The following PHF14 variants were observed in gnomAD, a reference collection of about 807,000 sequenced individuals.
The protein encoded by PHF14 is PHD finger protein 14.
PHF14 carries 55 observed loss-of-function variants against 117.9 expected under a neutral mutation model. The observed-to-expected ratio is 0.47, with a 90% CI of 0.38 to 0.58. The LOEUF is 0.58. Ranked by LOEUF, PHF14 falls within the 20% of genes least tolerant of loss-of-function variation. The probability of loss-of-function intolerance (pLI) is 0.00; values close to 1 mark genes in which losing one functional copy is unlikely to be tolerated. For missense variants in PHF14, 978 were observed against 1,122.2 expected (o/e 0.87, Z 1.84); for synonymous variants, 409 against 368.6 (o/e 1.11, Z -1.26).
intron 4 of PHF14, among the ~76,000 whole-genome samples, chr7:11,003,898 A>G (rs951735408): frequency 2.0e-5 from 3 of 152,106 alleles, no homozygotes; most frequent in African/African-American, 7.2e-5. Flanking sequence ...TTTTAACTTT[A>G]TTTTATTATG....
intron 16 of PHF14, among the ~76,000 whole-genome samples, chr7:11,096,973 C>CTTTTTT (rs899756252): frequency 1.6e-4 from 17 of 108,580 alleles, no homozygotes; most frequent in African/African-American, 2.3e-4. Context: ...TAGACTAGAA[C>CTTTTTT]TTTTTTTTTT....
rs760800245 is a variant in PHF14 at position 10,982,818 on chromosome 7, C to T, written c.559C>T (p.Arg187Ter). The T allele has an allele frequency of 1.9e-6, 3 of 1,613,852 alleles. No homozygotes were observed. Among genetic ancestry groups the T allele is most frequent in the Admixed American group, 1.7e-5 (1 of 59,996 alleles). The stretch of plus-strand genomic sequence containing the variant: ...CGAGCCAAAAAAATGGAACCTTCGA[C>T]GAAACCGACCACTTCTGGATTTTGT... ...VSEPKKWNLR[R>*]NRPLLDFVSM... is the part of the protein sequence containing the mutation. The change falls in exon 3 of 18, where the codon CGA becomes TGA. Residue 187 changes from arginine to a stop codon, truncating the protein, a stop_gained. Coordinates refer to ENST00000634607, the MANE Select transcript of PHF14 (RefSeq NM_001007157.2). LOFTEE classifies it high-confidence loss of function.
intron 17 of PHF14, among the ~76,000 whole-genome samples, chr7:11,133,426 G>A (rs1272608538): frequency 1.3e-5 from 2 of 151,902 alleles, no homozygotes; most frequent in Non-Finnish European, 2.9e-5. Context: ...TGACAATGCA[G>A]CAAAGGCAAT....
At chr7:11,002,066 AC>A (rs1381713880) in intron 4 of PHF14, among the ~76,000 whole-genome samples, 1 of 151,616 alleles carries the variant, frequency 6.6e-6, no homozygotes, top group African/African-American at 2.4e-5. Flanking sequence ...TTGTTTTGAG[AC>A]AGAGTCTCAC....
chr7:11,034,891 G>A (rs748682616), intron 7 of PHF14, among the ~76,000 whole-genome samples: 7 of 151,972 alleles, frequency 4.6e-5, no homozygotes, highest in African/African-American at 1.2e-4. Flanking sequence ...TCCATTGTTA[G>A]CCAGTTAGAA....
intron 4 of PHF14, among the ~76,000 whole-genome samples, chr7:10,992,700 A>G (rs901653208): frequency 6.6e-6 from 1 of 152,136 alleles, no homozygotes; most frequent in African/African-American, 2.4e-5. Flanking sequence ...ATTCTCTTAC[A>G]TAACCACATA....
At chr7:11,109,655 C>T (rs1344097706) in intron 16 of PHF14, 1 of 151,810 alleles carries the variant, frequency 6.6e-6, no homozygotes, top group Non-Finnish European at 1.5e-5. Flanking sequence ...ATTATGTGGG[C>T]TTGCCAGTCT....
chr7:10,991,786 C>A, intron 4 of PHF14, among the ~76,000 whole-genome samples: 1 of 82,734 alleles, frequency 1.2e-5, no homozygotes, highest in African/African-American at 5.0e-5. Context: ...TTGGTAGAGA[C>A]AGGGTTTTGC....
At chr7:11,059,313 C>T (rs1785127310) in intron 14 of PHF14, among the ~76,000 whole-genome samples, 1 of 152,144 alleles carries the variant, frequency 6.6e-6, no homozygotes, top group African/African-American at 2.4e-5. Context: ...AAATTCAAAA[C>T]TACATGATAC....
At chr7:11,024,423 A>G (rs888667537) in intron 6 of PHF14, among the ~76,000 whole-genome samples, 2 of 152,204 alleles carry the variant, frequency 1.3e-5, no homozygotes, top group African/African-American at 4.8e-5. Context: ...AATGTAGATG[A>G]AACAGTCTTC....
At chr7:11,047,865 A>C in intron 13 of PHF14, among the ~76,000 whole-genome samples, 2 of 125,978 alleles carry the variant, frequency 1.6e-5, no homozygotes, top group Admixed American at 7.9e-5. Context: ...GAGGGCGGGA[A>C]AAAGAGAGGA....
intron 17 of PHF14, among the ~76,000 whole-genome samples, chr7:11,111,862 A>G (rs1331808965): frequency 2.6e-5 from 4 of 151,444 alleles, no homozygotes; most frequent in Non-Finnish European, 5.9e-5. Flanking sequence ...TAGATGTTTT[A>G]TTTTAAAATA....
At chr7:11,000,456 C>T (rs1782826384) in intron 4 of PHF14, among the ~76,000 whole-genome samples, 1 of 149,720 alleles carries the variant, frequency 6.7e-6, no homozygotes. Context: ...TCTCGTGCCT[C>T]AGCTTCCTGT....
intron 17 of PHF14, among the ~76,000 whole-genome samples, chr7:11,156,645 A>G (rs6949224): frequency 0.014 from 2,163 of 152,132 alleles, 45 homozygotes; most frequent in African/African-American, 0.05. Flanking sequence ...AAATACAAAA[A>G]TTAGCCGGGT....
At chr7:11,015,308 G>A (rs184464052) in intron 5 of PHF14, 9 of 152,190 alleles carry the variant, frequency 5.9e-5, no homozygotes, top group Non-Finnish European at 8.8e-5. Flanking sequence ...CTGGGATAGC[G>A]TAGAATCTAC....
chr7:11,055,304 A>T (rs971988933), intron 14 of PHF14, among the ~76,000 whole-genome samples: 1 of 152,188 alleles, frequency 6.6e-6, no homozygotes. Context: ...ATGTAACTTG[A>T]AAGCTTTCAG....
intron 16 of PHF14, among the ~76,000 whole-genome samples, chr7:11,084,221 A>C (rs1786286015): frequency 6.6e-6 from 1 of 152,228 alleles, no homozygotes; most frequent in South Asian, 2.1e-4. Flanking sequence ...CAATCTGAAA[A>C]AATGTTAGAA....
intron 17 of PHF14, among the ~76,000 whole-genome samples, chr7:11,153,648 G>A (rs1186458626): frequency 6.6e-6 from 1 of 152,006 alleles, no homozygotes; most frequent in Non-Finnish European, 1.5e-5. Context: ...ATTAAACAGA[G>A]GGAAAAACTC....
chr7:11,074,322 T>C (rs1226888863), intron 16 of PHF14, among the ~76,000 whole-genome samples: 1 of 151,938 alleles, frequency 6.6e-6, no homozygotes, highest in Non-Finnish European at 1.5e-5. Flanking sequence ...ACCATTCTCC[T>C]GCCTCAGCCT....
Sources: allele counts gnomAD v4.1 joint callset (sites outside exome capture counted in the v4.1 genomes callset), GRCh38; gene constraint gnomAD v4.1.1; transcripts MANE v1.5; gene names NCBI Gene and HGNC (gene_info 2026-07-23, HGNC 2026-07-21).